Variants in GCLC observed in about 807,000 individuals in gnomAD.
GCLC encodes glutamate-cysteine ligase catalytic subunit.
GCLC carries 30 observed loss-of-function variants against 81.5 expected under a neutral mutation model. The ratio of observed to expected loss-of-function variants is 0.37; its 90% CI spans 0.28 to 0.50. The LOEUF (loss-of-function observed/expected upper bound fraction) is 0.50, where lower values mean the gene tolerates loss of function less well. Ranked by LOEUF, GCLC falls within the 20% of genes least tolerant of loss-of-function variation. The pLI is 0.96. For missense variants in GCLC, 556 were observed against 777.4 expected, an observed-to-expected ratio of 0.72 and a Z score of 3.39; for synonymous variants, 262 against 273.3, an observed-to-expected ratio of 0.96 and a Z score of 0.41.
At chr6:53,542,342 A>G (rs1020771984) in intron 1 of GCLC, among the ~76,000 whole-genome samples, 6 of 152,174 alleles carry the variant, frequency 3.9e-5, no homozygotes, top group South Asian at 2.1e-4. Context: ...GGAAGGAGGT[A>G]AACCTATTGC....
intron 6 of GCLC, among the ~76,000 whole-genome samples, chr6:53,511,104 G>A (rs1351259122): frequency 6.6e-6 from 1 of 151,744 alleles, no homozygotes; most frequent in East Asian, 1.9e-4. Context: ...CTCCAGAAGG[G>A]CGGGGATCTT....
Position 53,520,822 on chromosome 6 carries a change from T to A in GCLC, c.402A>T (p.Ile134=). 1 of 1,614,138 alleles carries A rather than the reference T, an allele frequency of 6.2e-7. No individual in the cohort carries two copies. The highest frequency in any genetic ancestry group is 1.1e-5 in the South Asian group (1 of 91,084). Reference sequence around the variant, plus strand: ...TGCAAAGAGCCTGATTTTCTTCTAATATAGAAGTAGCCTCCTTCCGGCGTT... The same window carrying A: ...TGCAAAGAGCCTGATTTTCTTCTAAAATAGAAGTAGCCTCCTTCCGGCGTT... ...MRKRRKEATS[I]LEENQALCTI... The change falls in exon 3 of 16, where the codon ATA becomes ATT. Residue 134 remains isoleucine, a synonymous_variant. Coordinates refer to ENST00000650454, the MANE Select transcript of GCLC (RefSeq NM_001498.4).
chr6:53,500,045 C>T lies in GCLC; in HGVS notation c.1702G>A (p.Gly568Arg). Residue 568 changes from glycine (G) to arginine (R), a missense_variant and splice_region_variant, in exon 15 of 16, where the codon GGA (glycine) becomes AGA (arginine). Physicochemically the swap from Gly to Arg is moderately radical, Grantham distance 125. This residue lies in a region of GCLC where 313 missense variants were observed against 437.3 expected (regional missense o/e 0.72). Coordinates refer to ENST00000650454, the MANE Select transcript of GCLC (RefSeq NM_001498.4). ...AGATTAAGAAAAATAGATATCATAC[C>T]AGATGCTCTCTTCTTAATTAGCTTT... ...YLKLIKKRAS[G>R]ELMTVARWMR... The T allele has an allele frequency of 6.3e-7, 1 of 1,586,578 alleles. No individual in the cohort carries two copies. The highest frequency in any genetic ancestry group is 8.7e-7 in the Non-Finnish European group (1 of 1,154,958).
chr6:53,510,441 C>T (rs1246008215), intron 6 of GCLC: 1 of 140,220 alleles, frequency 7.1e-6, no homozygotes, highest in South Asian at 2.3e-4. Flanking sequence ...TGTTACCCAA[C>T]AGAAACCAAA....
intron 3 of GCLC, among the ~76,000 whole-genome samples, chr6:53,517,249 GTTTTTTTTTTTT>G (rs201960255): frequency 1.8e-4 from 13 of 73,104 alleles, no homozygotes; most frequent in Non-Finnish European, 2.5e-4. Flanking sequence ...ACTGTACCAA[GTTTTTTTTTTTT>G]TTTTTTTTTT....
Position 53,506,668 on chromosome 6 carries a change from T to A in GCLC, c.1197+245A>T, listed in dbSNP as rs1775867180. ...AAATACTGAACAATAAAAAAAAAAATTAGAATCAGTGAGATAAACAGTAAG... is the reference window on the plus strand; with the variant it reads ...AAATACTGAACAATAAAAAAAAAAAATAGAATCAGTGAGATAAACAGTAAG... On this transcript the variant is annotated intron_variant, in intron 10 of 15. Coordinates refer to ENST00000650454, the MANE Select transcript of GCLC (RefSeq NM_001498.4). This position sits in a 1 kb window ranked among gnomAD's most constrained non-coding sequence, Gnocchi z 4.0. 99 of 420,988 alleles carry A rather than the reference T, an allele frequency of 2.4e-4. No individual in the cohort carries two copies. Among genetic ancestry groups the A allele is most frequent in the East Asian group, 3.1e-4 (7 of 22,378 alleles). The allele number at this position is 420,988 out of a possible 1,614,324, so 26.1% of individuals were successfully genotyped here. A position where few individuals can be genotyped will look rare whatever the true frequency, so the allele number is the denominator to read the frequency against.
At chr6:53,512,398 CTT>C (rs776741035) in intron 6 of GCLC, among the ~76,000 whole-genome samples, 1 of 145,044 alleles carries the variant, frequency 6.9e-6, no homozygotes. Context: ...TAAGCAGTTT[CTT>C]TTTTTTTTTT....
At chr6:53,499,270 C>T (rs1429924864) in intron 15 of GCLC, among the ~76,000 whole-genome samples, 1 of 152,138 alleles carries the variant, frequency 6.6e-6, no homozygotes, top group Non-Finnish European at 1.5e-5. Flanking sequence ...CACATGTGTA[C>T]AAGAACATGT....
intron 7 of GCLC, 147 bp from the exon 8 acceptor site, chr6:53,508,858 T>C (rs1052115631): frequency 7.2e-6 from 5 of 696,094 alleles, no homozygotes; most frequent in African/African-American, 7.1e-5. Context: ...TACAGTGAAA[T>C]ATACCAGGAA....
chr6:53,498,637 C>T lies in GCLC; in HGVS notation c.*119G>A. The T allele has an allele frequency of 1.3e-6, 1 of 752,812 alleles. No individual in the cohort carries two copies. The highest frequency in any genetic ancestry group is 1.4e-5 in the South Asian group (1 of 68,982). 46.6% of individuals were successfully genotyped at this position (752,812 alleles called of 1,614,324 possible). Reference sequence around the variant, plus strand: ...AAAGCCTTAATCAATTTCTGGCTCACTGGCCCAGAAAACAGTACAGTTCTA... The same window carrying T: ...AAAGCCTTAATCAATTTCTGGCTCATTGGCCCAGAAAACAGTACAGTTCTA... On this transcript the variant is annotated 3_prime_UTR_variant, in exon 16 of 16. Transcript: ENST00000650454.
Position 53,499,961 on chromosome 6 carries a change from TAA to T in GCLC, c.1702+82_1702+83del, listed in dbSNP as rs1764474401. On this transcript the variant is annotated intron_variant, in intron 15 of 15. Coordinates refer to ENST00000650454, the MANE Select transcript of GCLC (RefSeq NM_001498.4). The stretch of plus-strand genomic sequence containing the variant: ...ACTGTGCATGAATACAGCATTATTT[TAA>T]AAGACTACTTTAAGAAATTGAACAT... 3 of 1,011,118 alleles carry T rather than the reference TAA, an allele frequency of 3.0e-6. No individual in the cohort carries two copies. In the South Asian group the frequency reaches 3.9e-5, roughly 13 times the overall value. The allele number at this position is 1,011,118 out of a possible 1,614,324, so 62.6% of individuals were successfully genotyped here.
chr6:53,526,025 A>C (rs1199100564), intron 1 of GCLC, among the ~76,000 whole-genome samples: 1 of 152,250 alleles, frequency 6.6e-6, no homozygotes, highest in Non-Finnish European at 1.5e-5. Context: ...TACTAGAATA[A>C]AAACCACTAT....
At chr6:53,540,415 A>G (rs1763333106) in intron 1 of GCLC, among the ~76,000 whole-genome samples, 1 of 152,190 alleles carries the variant, frequency 6.6e-6, no homozygotes, top group Non-Finnish European at 1.5e-5. Flanking sequence ...CGGTCACAGA[A>G]GGACAAATAC....
chr6:53,522,795 G>C (rs1468983340), intron 1 of GCLC: 3 of 288,064 alleles, frequency 1.0e-5, no homozygotes, highest in Non-Finnish European at 2.0e-5. Flanking sequence ...ATTTTGACAA[G>C]CTGTACTTCA....
intron 1 of GCLC, among the ~76,000 whole-genome samples, chr6:53,531,571 T>C (rs1049541958): frequency 7.2e-5 from 11 of 152,222 alleles, no homozygotes; most frequent in South Asian, 4.1e-4. Context: ...CCCCACACGA[T>C]GTTGCAGCTA....
intron 1 of GCLC, among the ~76,000 whole-genome samples, chr6:53,541,002 G>T: frequency 6.6e-6 from 1 of 152,180 alleles, no homozygotes; most frequent in Non-Finnish European, 1.5e-5. Flanking sequence ...ATCACCTGAG[G>T]TCAGGAGTTC....
intron 2 of GCLC, among the ~76,000 whole-genome samples, chr6:53,521,354 C>G (rs17882473): frequency 1.3e-5 from 2 of 152,020 alleles, no homozygotes; most frequent in East Asian, 3.9e-4. Context: ...GGGGTTTCAC[C>G]GTGTTAGCCA....
chr6:53,532,673 G>A (rs556651450), intron 1 of GCLC, among the ~76,000 whole-genome samples: 3 of 152,200 alleles, frequency 2.0e-5, no homozygotes, highest in South Asian at 4.1e-4. Flanking sequence ...CTGGAAAAGC[G>A]TCATGGAGTC....
rs772863808 is a variant in GCLC, at chr6:53,508,675, A to T, written c.865T>A (p.Tyr289Asn). The T allele has an allele frequency of 6.2e-7, 1 of 1,613,814 alleles. No homozygotes were observed. The highest frequency in any genetic ancestry group is 2.2e-5 in the East Asian group (1 of 44,868). Residue 289 changes from tyrosine to asparagine, a missense_variant, in exon 8 of 16, where the codon TAT (tyrosine) becomes AAT (asparagine). Around this residue, in one of 3 missense-constraint regions of GCLC, gnomAD observed 313 missense variants for 437.3 expected, o/e 0.72. Transcript: ENST00000650454. ...LSAASPFYRGYVSDIDCRWGV... is the reference protein window; with the variant it reads ...LSAASPFYRGNVSDIDCRWGV... ...CAGCGACAATCAATGTCTGACACAT[A>T]GCCTCGGTAAAAGGGAGATGCAGCA...
Sources: gnomAD v4.1 joint callset for allele counts (sites outside exome capture counted in the v4.1 genomes callset) on GRCh38, gnomAD v4.1.1 for gene constraint, gnomAD v4.1.1 regional missense constraint, Gnocchi (gnomAD v3.1) non-coding constraint, MANE v1.5 for transcripts, NCBI Gene and HGNC (gene_info 2026-07-23, HGNC 2026-07-21) for gene names.